CDK20: variants seen among roughly 807,000 people sequenced by gnomAD.
CDK20 encodes the protein cyclin-dependent kinase 20.
In CDK20, 40 loss-of-function variants were observed where a neutral mutation model predicts 38.6. The ratio of observed to expected loss-of-function variants is 1.04; its 90% CI spans 0.81 to 1.35. The LOEUF is 1.35. Among genes scored for constraint, CDK20 ranks in the 40% most tolerant of loss-of-function variants. The pLI is 0.00. For missense variants in CDK20, 512 were observed against 452.6 expected (o/e 1.13, Z -1.19); for synonymous variants, 209 against 185.7 (o/e 1.13, Z -1.02).
rs754874964 is a variant in CDK20 at position 87,973,938 on chromosome 9, A to G, written c.173T>C (p.Met58Thr). ...CCTACTCACATACTGATTGTCCTCC[A>G]TCTCCTGCAGAGCCTTAATCTCCCG... ...ALREIKALQE[M>T]EDNQYVVQLK... Residue 58 changes from methionine (M) to threonine (T), a missense_variant, in exon 2 of 8, where the codon ATG becomes ACG. Transcript: ENST00000325303. 8 of 1,613,924 alleles carry G rather than the reference A, an allele frequency of 5.0e-6. No homozygotes were observed. The Admixed American group carries it at 1.0e-4, about 20-fold the overall frequency.
In CDK20 at chr9:87,967,012, G is replaced by C. The variant is rs1829475991; in HGVS notation, c.*450C>G. Reference sequence around the variant, plus strand: ...AATCTATATCTCACATACTGAACTAGTGTTTAATGGCTCTGAGAATAAAAC... The same window carrying C: ...AATCTATATCTCACATACTGAACTACTGTTTAATGGCTCTGAGAATAAAAC... On this transcript the variant is annotated 3_prime_UTR_variant, in exon 8 of 8. Coordinates refer to ENST00000325303, the MANE Select transcript of CDK20 (RefSeq NM_001039803.3). The C allele has an allele frequency of 2.0e-6, 1 of 502,708 alleles. No individual in the cohort carries two copies. Among genetic ancestry groups the C allele is most frequent in the Non-Finnish European group, 4.0e-6 (1 of 251,976 alleles). The allele number at this position is 502,708 out of a possible 1,614,324, so 31.1% of individuals were successfully genotyped here.
At position 87,970,627 on chromosome 9, in the gene CDK20, C is replaced by T. The variant is rs759237083; in HGVS notation, c.504G>A (p.Trp168Ter). 1 of 1,614,036 alleles carries T rather than the reference C, an allele frequency of 6.2e-7. No homozygotes were observed. The highest frequency in any genetic ancestry group is 8.5e-7 in the Non-Finnish European group (1 of 1,180,000). The change falls in exon 5 of 8, where the codon TGG (tryptophan) becomes TGA (stop). Residue 168 changes from tryptophan (W) to a stop codon, truncating the protein, a stop_gained. Coordinates refer to ENST00000325303, the MANE Select transcript of CDK20 (RefSeq NM_001039803.3). LOFTEE classifies it high-confidence loss of function. ...RLYTHQVATR[W>*]YRAPELLYGA... ...CATACAGGAGCTCGGGGGCTCGGTA[C>T]CACCTGCGAGGAAGAGGGCTGGCAG...
chr9:87,969,617 A>G (rs1443690693), intron 6 of CDK20, 179 bp downstream of exon 6: 8 of 1,002,890 alleles, frequency 8.0e-6, no homozygotes, highest in Non-Finnish European at 1.2e-5. Context: ...GACAGGATCT[A>G]CCCCAACCCA....
chr9:87,973,877 G>A (rs762440547), intron 2 of CDK20, 45 bp downstream of exon 2: 5 of 1,582,946 alleles, frequency 3.2e-6, no homozygotes, highest in Admixed American at 1.7e-5. Context: ...AAGTGGGAAC[G>A]AGCGACTGAG....
intron 2 of CDK20, among the ~76,000 whole-genome samples, chr9:87,971,807 G>A (rs1464943218): frequency 6.6e-6 from 1 of 152,220 alleles, no homozygotes; most frequent in African/African-American, 2.4e-5. Flanking sequence ...CAGAGAGTGA[G>A]CTGAGAGACA....
At position 87,968,371 on chromosome 9, in the gene CDK20, CTG is replaced by C. The variant is rs532948269; in HGVS notation, c.844-714_844-713del. On this transcript the variant is annotated intron_variant, in intron 7 of 7. Coordinates refer to ENST00000325303, the MANE Select transcript of CDK20 (RefSeq NM_001039803.3). ...ATAAGGGTCACACGGCTTGGGTACA[CTG>C]TGGACACAGAGCCCACAGGAGCTGC... is the stretch of plus-strand genomic sequence containing the variant. 1,116 of 152,508 alleles carry C rather than the reference CTG, an allele frequency of 7.3e-3. 4 individuals are homozygous for C. The highest frequency in any genetic ancestry group is 0.012 in the South Asian group (59 of 4,832). 9.4% of individuals were successfully genotyped at this position (152,508 alleles called of 1,614,324 possible). A position where few individuals can be genotyped will look rare whatever the true frequency, so the allele number is the denominator to read the frequency against.
In CDK20 at chr9:87,974,355, C is replaced by A. The variant is rs1830082475; in HGVS notation, c.75+17G>T. 6.2e-7 allele frequency: 1 copy of A among 1,609,370 alleles called. No homozygotes were observed. The highest frequency in any genetic ancestry group is 8.5e-7 in the Non-Finnish European group (1 of 1,179,134). On this transcript the variant is annotated intron_variant, in intron 1 of 7. Coordinates refer to ENST00000325303, the MANE Select transcript of CDK20 (RefSeq NM_001039803.3). ...GGGCACACCCCCGCCAGGCTGCCGG[C>A]CGCGGTCCAGCCTCACCTCCACGTG...
chr9:87,971,921 G>A (rs1829889056), intron 2 of CDK20, among the ~76,000 whole-genome samples: 1 of 152,184 alleles, frequency 6.6e-6, no homozygotes, highest in South Asian at 2.1e-4. Context: ...AAATACAAGG[G>A]GGCTGGGCAT....
chr9:87,969,284 C>T lies in CDK20; in HGVS notation c.753G>A (p.Glu251=), dbSNP rs376249984. ...GGGGAGAGACGTCAGGCAGCACCTC[C>T]TCCAGGGGCATGGGCACCTGCTCCT... is the stretch of plus-strand genomic sequence containing the variant. ...SFKEQVPMPL[E]EVLPDVSPQA... is the part of the protein sequence containing the mutation. Residue 251 remains glutamate (E), a synonymous_variant, in exon 7 of 8, where the codon GAG becomes GAA. Transcript: ENST00000325303. 7.9e-5 allele frequency: 128 copies of T among 1,613,924 alleles called. No individual in the cohort carries two copies. The highest frequency in any genetic ancestry group is 1.0e-4 in the Non-Finnish European group (121 of 1,179,952).
chr9:87,973,808 A>G (rs1830031700), intron 2 of CDK20, 114 bp downstream of exon 2: 3 of 1,094,622 alleles, frequency 2.7e-6, no homozygotes, highest in African/African-American at 1.5e-5. Flanking sequence ...TGTGAGTGAC[A>G]GCGGGAGGAA....
chr9:87,973,271 C>T (rs1486061508), intron 2 of CDK20, among the ~76,000 whole-genome samples: 1 of 152,158 alleles, frequency 6.6e-6, no homozygotes, highest in Non-Finnish European at 1.5e-5. Context: ...CAGCCCCTCC[C>T]GGTACCCTAT....
At position 87,973,449 on chromosome 9, in the gene CDK20, G is replaced by A. The variant is rs574845777; in HGVS notation, c.189+473C>T. Among the ~76,000 whole-genome samples the A allele has an allele frequency of 3.3e-5, 5 of 152,114 alleles. No individual in the cohort carries two copies. The South Asian group carries it at 1.0e-3, about 32-fold the overall frequency. ...AGAATGGACTCTCAATCAAACCTGG[G>A]CCAAACCCTCTACTGACTAACGGAG... is the stretch of plus-strand genomic sequence containing the variant. On this transcript the variant is annotated intron_variant, in intron 2 of 7. Transcript: ENST00000325303.
In CDK20 at chr9:87,970,879, G is replaced by T. The variant is rs1414881460; in HGVS notation, c.397C>A (p.Leu133Met). 6 of 1,614,188 alleles carry T rather than the reference G, an allele frequency of 3.7e-6. No individual in the cohort carries two copies. In the South Asian group the frequency reaches 6.6e-5, roughly 18 times the overall value. The change falls in exon 4 of 8, where the codon CTG becomes ATG. Residue 133 changes from leucine (L) to methionine (M), a missense_variant. Physicochemically the swap from Leu to Met is conservative, Grantham distance 15. Coordinates refer to ENST00000325303, the MANE Select transcript of CDK20 (RefSeq NM_001039803.3). The part of the protein sequence containing the change: ...IVHRDLKPAN[L>M]LISASGQLKI... ...AGCTGGCCTGAGGCGCTGATGAGCA[G>T]GTTGGCAGGTTTCAGGTCCTGGGAG...
chr9:87,967,590 G>A lies in CDK20; in HGVS notation c.913C>T (p.Arg305Cys), dbSNP rs992747412. The A allele has an allele frequency of 1.1e-5, 17 of 1,535,130 alleles. No homozygotes were observed. Among genetic ancestry groups the A allele is most frequent in the African/African-American group, 9.6e-5 (7 of 72,684 alleles). ...GCCTTGGGGGCAGGTCCCCCTAGAC[G>A]CTGAGGAATCGGCAGCTCAGATGGA... ...AHPSELPIPQ[R>C]LGGPAPKAHP... The change falls in exon 8 of 8, where the codon CGT becomes TGT. Residue 305 changes from arginine to cysteine, a missense_variant. Physicochemically the swap from Arg to Cys is radical, Grantham distance 180. Transcript: ENST00000325303.
rs778525976 is a variant in CDK20, at chr9:87,974,006, C to T, written c.105G>A (p.Val35=). The change falls in exon 2 of 8, where the codon GTG becomes GTA. Residue 35 remains valine, a synonymous_variant. Coordinates refer to ENST00000325303, the MANE Select transcript of CDK20 (RefSeq NM_001039803.3). The part of the protein sequence containing the change: ...ETGEIVALKK[V]ALRRLEDGFP... Reference sequence around the variant, plus strand: ...AGCCGTCCTCCAACCGCCTTAGGGCCACCTTCTTGAGGGCAACTATCTCGC... The same window carrying T: ...AGCCGTCCTCCAACCGCCTTAGGGCTACCTTCTTGAGGGCAACTATCTCGC... 21 of 1,614,064 alleles carry T rather than the reference C, an allele frequency of 1.3e-5. No homozygotes were observed. Among genetic ancestry groups the T allele is most frequent in the Non-Finnish European group, 1.8e-5 (21 of 1,180,044 alleles).
intron 2 of CDK20, 95 bp from the exon 3 acceptor site, chr9:87,971,430 G>T: frequency 1.7e-6 from 2 of 1,159,470 alleles, no homozygotes; most frequent in Non-Finnish European, 2.4e-6. Context: ...AGAGGACCCT[G>T]TATCCAAAAA....
intron 3 of CDK20, 27 bp from the exon 4 acceptor site, chr9:87,970,924 C>G: frequency 6.2e-7 from 1 of 1,613,692 alleles, no homozygotes; most frequent in Non-Finnish European, 8.5e-7. Context: ...AAGCATCAGT[C>G]CCTCCAAATC....
intron 5 of CDK20, 113 bp from the exon 6 acceptor site, chr9:87,970,032 G>T: frequency 7.9e-7 from 1 of 1,259,366 alleles, no homozygotes; most frequent in Non-Finnish European, 1.1e-6. Context: ...AGCCAGCCCT[G>T]GAGCCTCACG....
intron 2 of CDK20, among the ~76,000 whole-genome samples, chr9:87,972,668 C>G (rs1005651124): frequency 6.6e-6 from 1 of 152,168 alleles, no homozygotes; most frequent in Admixed American, 6.6e-5. Flanking sequence ...GGGGAGGCTG[C>G]CACTGTCATT....
Sources: gnomAD v4.1 joint callset for allele counts (sites outside exome capture counted in the v4.1 genomes callset) on GRCh38, gnomAD v4.1.1 for gene constraint, MANE v1.5 for transcripts, NCBI Gene and HGNC (gene_info 2026-07-23, HGNC 2026-07-21) for gene names.